TCF4: variants seen among roughly 807,000 people sequenced by gnomAD.
The protein encoded by TCF4 is transcription factor 4, also known as SL3-3 enhancer factor 2.
A neutral mutation model predicts 82.1 loss-of-function variants in TCF4; 3 were observed. The observed-to-expected ratio is 0.04, with a 90% confidence interval of 0.02 to 0.09. TCF4 has a LOEUF of 0.09. Among genes scored for constraint, TCF4 ranks in the 10% least tolerant of loss-of-function variants. TCF4 has a pLI of 1.00. For synonymous variants in TCF4, 276 were observed against 309.6 expected (o/e 0.89, Z 1.14); for missense variants, 518 against 852.7 (o/e 0.61, Z 4.89).
intron 2 of TCF4, among the ~76,000 whole-genome samples, chr18:55,624,459 C>T (rs1315769184): frequency 2.0e-5 from 3 of 151,862 alleles, no homozygotes; most frequent in Non-Finnish European, 2.9e-5. Flanking sequence ...GGGCTTCAGT[C>T]CTTAAAACAT....
intron 3 of TCF4, chr18:55,492,256 G>A (rs1461501595): frequency 6.6e-6 from 1 of 152,182 alleles, no homozygotes; most frequent in Non-Finnish European, 1.5e-5. Flanking sequence ...GTCTCAGACT[G>A]TGCTTAAAGG....
intron 3 of TCF4, among the ~76,000 whole-genome samples, chr18:55,501,852 G>C (rs1456797596): frequency 1.3e-5 from 2 of 152,130 alleles, no homozygotes; most frequent in Non-Finnish European, 2.9e-5. Flanking sequence ...AACAGAAGAG[G>C]GAAAAGGCTT....
chr18:55,365,195 GTGTGTGTGTGTGTGTATATATA>G (rs1217089658), intron 6 of TCF4, among the ~76,000 whole-genome samples: 3 of 106,812 alleles, frequency 2.8e-5, no homozygotes, highest in Admixed American at 9.1e-5. Flanking sequence ...ATATATATGT[GTGTGTGTGTGTGTGTATATATA>G]TGTGTGTGTG....
chr18:55,321,861 A>C, intron 8 of TCF4: 1 of 1,465,430 alleles, frequency 6.8e-7, no homozygotes, highest in Non-Finnish European at 9.0e-7. Context: ...AAGCGTGGTG[A>C]ATATGCAAAG....
intron 3 of TCF4, among the ~76,000 whole-genome samples, chr18:55,480,756 G>T (rs1235750985): frequency 6.6e-6 from 1 of 152,186 alleles, no homozygotes; most frequent in South Asian, 2.1e-4. Flanking sequence ...GTATCACAGT[G>T]GTGGGGGACA....
intron 3 of TCF4, among the ~76,000 whole-genome samples, chr18:55,508,871 C>T (rs2096793838): frequency 6.6e-6 from 1 of 152,142 alleles, no homozygotes; most frequent in African/African-American, 2.4e-5. Flanking sequence ...AATTTGCTTA[C>T]TTTTAGAAAT....
chr18:55,278,558 G>A (rs202245330), intron 9 of TCF4, among the ~76,000 whole-genome samples: 4 of 81,138 alleles, frequency 4.9e-5, no homozygotes. Context: ...TTATTTATTT[G>A]TTTGTTTATT....
rs796661485 is a variant in TCF4, at chr18:55,224,500, T to A, written c.*3535A>T. 1 of 152,608 alleles carries A rather than the reference T, an allele frequency of 6.6e-6. No individual in the cohort carries two copies. The highest frequency in any genetic ancestry group is 1.5e-5 in the Non-Finnish European group (1 of 68,020). The allele number at this position is 152,608 out of a possible 1,614,324, so 9.5% of individuals were successfully genotyped here. On this transcript the variant is annotated 3_prime_UTR_variant, in exon 20 of 20. Transcript: ENST00000354452. ...GCTTGTTTATGCTGAAATTGATTCA[T>A]TCCTGACTCAAGTTCACTTTTGGAC...
intron 15 of TCF4, among the ~76,000 whole-genome samples, chr18:55,251,094 C>T (rs547932092): frequency 2.8e-4 from 43 of 152,256 alleles, no homozygotes; most frequent in African/African-American, 1.0e-3. Context: ...ATATGCCCAG[C>T]CTTGTCTTGC....
At position 55,286,813 on chromosome 18, in the gene TCF4, G is replaced by A. The variant is rs185558944; in HGVS notation, c.550-7157C>T. Reference sequence around the variant, plus strand: ...GAATCCTCCTTCACGTCCAAGTGATGGTTAAAGGGCGATCTCCATTATCAC... The same window carrying A: ...GAATCCTCCTTCACGTCCAAGTGATAGTTAAAGGGCGATCTCCATTATCAC... On this transcript the variant is annotated intron_variant, in intron 8 of 19. Coordinates refer to ENST00000354452, the MANE Select transcript of TCF4 (RefSeq NM_001083962.2). Among the ~76,000 whole-genome samples the A allele has an allele frequency of 1.1e-4, 16 of 152,294 alleles. No homozygotes were observed. The East Asian group carries it at 3.1e-3, about 29-fold the overall frequency.
intron 3 of TCF4, among the ~76,000 whole-genome samples, chr18:55,558,751 T>C (rs2097327932): frequency 1.3e-5 from 2 of 152,152 alleles, no homozygotes; most frequent in Non-Finnish European, 2.9e-5. Flanking sequence ...CCATGGGGCA[T>C]TTCTCTTTGA....
intron 2 of TCF4, among the ~76,000 whole-genome samples, chr18:55,605,723 G>A (rs1329158341): frequency 1.3e-5 from 2 of 152,134 alleles, no homozygotes; most frequent in Non-Finnish European, 2.9e-5. Flanking sequence ...ATCACATATA[G>A]TTTCACACAT....
chr18:55,397,211 T>C (rs1267711852), intron 6 of TCF4, among the ~76,000 whole-genome samples: 3 of 152,186 alleles, frequency 2.0e-5, no homozygotes, highest in East Asian at 1.9e-4. Flanking sequence ...CAATATTCTG[T>C]TGGAATGTAA....
intron 6 of TCF4, among the ~76,000 whole-genome samples, chr18:55,384,370 C>T (rs73960254): frequency 0.031 from 4,658 of 152,270 alleles, 228 homozygotes; most frequent in African/African-American, 0.11. Flanking sequence ...CCCTTCCCTG[C>T]GCCACTCACA....
intron 8 of TCF4, among the ~76,000 whole-genome samples, chr18:55,307,177 C>G (rs1401563706): frequency 1.3e-5 from 2 of 152,154 alleles, no homozygotes; most frequent in East Asian, 3.8e-4. Context: ...GCAACAAACT[C>G]CATTTCAGGA....
chr18:55,429,783 A>AAAAAAAC (rs1569464200), intron 5 of TCF4, among the ~76,000 whole-genome samples: 1 of 151,022 alleles, frequency 6.6e-6, no homozygotes, highest in African/African-American at 2.4e-5. Context: ...AAAAAAAAAA[A>AAAAAAAC]AAAAAACAAT....
intron 8 of TCF4, among the ~76,000 whole-genome samples, chr18:55,297,037 G>C (rs377288544): frequency 6.6e-6 from 1 of 151,692 alleles, no homozygotes; most frequent in Non-Finnish European, 1.5e-5. Context: ...TATGTATTTC[G>C]AGAGAAGCTT....
chr18:55,272,241 AGTT>A (rs763946148), intron 10 of TCF4, among the ~76,000 whole-genome samples: 7 of 152,166 alleles, frequency 4.6e-5, no homozygotes, highest in African/African-American at 7.2e-5. Flanking sequence ...ATAGAAAATT[AGTT>A]GTTGAAATAA....
chr18:55,233,560 A>T (rs1353248120), intron 16 of TCF4, among the ~76,000 whole-genome samples: 1 of 152,174 alleles, frequency 6.6e-6, no homozygotes, highest in Non-Finnish European at 1.5e-5. Context: ...TCACACCTGT[A>T]ATCCCAGCAC....
Sources: gnomAD v4.1 joint callset for allele counts (sites outside exome capture counted in the v4.1 genomes callset) on GRCh38, gnomAD v4.1.1 for gene constraint, MANE v1.5 for transcripts, NCBI Gene and HGNC (gene_info 2026-07-23, HGNC 2026-07-21) for gene names.